PPFIBP1: variants seen among roughly 807,000 people sequenced by gnomAD.
PPFIBP1 encodes liprin-beta-1.
Under a neutral mutation model 137.8 loss-of-function variants are expected in PPFIBP1, and 112 were observed. The ratio of observed to expected loss-of-function variants is 0.81; its 90% CI spans 0.70 to 0.95. The LOEUF (loss-of-function observed/expected upper bound fraction) is 0.95, where lower values mean the gene tolerates loss of function less well. PPFIBP1 is among the 40% of genes least tolerant of loss of function. PPFIBP1 has a pLI of 0.00. For synonymous variants in PPFIBP1, 378 were observed against 417.3 expected (o/e 0.91, Z 1.15); for missense variants, 1,083 against 1,196.6 (o/e 0.91, Z 1.40).
In PPFIBP1 at chr12:27,667,150, T is replaced by G. The variant is rs1250210738; in HGVS notation, c.992-16T>G. On this transcript the variant is annotated splice_polypyrimidine_tract_variant and intron_variant, in intron 12 of 29. Transcript: ENST00000228425. ...AAAAGCTGCTGTTGTCTTCTCTTTG[T>G]TTTATCTTTTCCTAGGCAAAGATGG... 1 of 1,542,286 alleles carries G rather than the reference T, an allele frequency of 6.5e-7. No individual in the cohort carries two copies. Among genetic ancestry groups the G allele is most frequent in the East Asian group, 2.3e-5 (1 of 43,640 alleles).
intron 9 of PPFIBP1, 107 bp from the exon 10 acceptor site, chr12:27,658,709 G>C (rs1276044526): frequency 8.8e-6 from 11 of 1,250,068 alleles, no homozygotes; most frequent in Non-Finnish European, 1.1e-5. Flanking sequence ...TATGAGGTTA[G>C]ATTTCCGTTA....
intron 1 of PPFIBP1, among the ~76,000 whole-genome samples, chr12:27,550,270 G>A (rs1946629382): frequency 6.6e-6 from 1 of 152,168 alleles, no homozygotes; most frequent in Admixed American, 6.5e-5. Flanking sequence ...CCTCGTGAAG[G>A]GCTCTGGGTG....
chr12:27,534,024 G>A lies in PPFIBP1; in HGVS notation c.-124+9659G>A, dbSNP rs116581295. On this transcript the variant is annotated intron_variant, in intron 1 of 29. Coordinates refer to ENST00000228425, the MANE Select transcript of PPFIBP1 (RefSeq NM_003622.4). ...GAATGCAAAAAATTGAGGACTACAC[G>A]GGGGCTGATGAACTGCAGGTGGCCT... Among the ~76,000 whole-genome samples, 316 of 152,302 alleles carry A rather than the reference G, an allele frequency of 2.1e-3. 1 individual carries two copies. The highest frequency in any genetic ancestry group is 6.8e-3 in the African/African-American group (281 of 41,564).
chr12:27,670,532 T>C (rs759745083), intron 13 of PPFIBP1, among the ~76,000 whole-genome samples: 3 of 152,076 alleles, frequency 2.0e-5, no homozygotes, highest in Non-Finnish European at 2.9e-5. Context: ...GTAATCCCAC[T>C]TTGGGAGGCT....
At chr12:27,689,285 G>A in intron 27 of PPFIBP1, 82 bp downstream of exon 27, 1 of 1,380,788 alleles carries the variant, frequency 7.2e-7, no homozygotes. Flanking sequence ...CTGTTTTCTG[G>A]GGTTTACTAA....
intron 11 of PPFIBP1, among the ~76,000 whole-genome samples, chr12:27,662,225 G>A (rs1212874752): frequency 6.6e-6 from 1 of 152,212 alleles, no homozygotes; most frequent in Non-Finnish European, 1.5e-5. Context: ...ATCAAAACTT[G>A]TCTCGAGACC....
At chr12:27,581,363 G>A (rs2051098293) in intron 2 of PPFIBP1, among the ~76,000 whole-genome samples, 1 of 152,170 alleles carries the variant, frequency 6.6e-6, no homozygotes, top group Non-Finnish European at 1.5e-5. Context: ...AATGGGCCCA[G>A]GTACAAGAAT....
intron 2 of PPFIBP1, among the ~76,000 whole-genome samples, chr12:27,607,501 G>A (rs1421449204): frequency 6.6e-6 from 1 of 152,216 alleles, no homozygotes; most frequent in African/African-American, 2.4e-5. Context: ...AAACTTGAGT[G>A]CACATTAGAA....
At chr12:27,615,356 T>C (rs942909349) in intron 2 of PPFIBP1, among the ~76,000 whole-genome samples, 7 of 152,152 alleles carry the variant, frequency 4.6e-5, no homozygotes, top group Non-Finnish European at 8.8e-5. Context: ...AAAAAGACCA[T>C]AATCATGCAT....
At position 27,693,759 on chromosome 12, in the gene PPFIBP1, T is replaced by A. The variant is rs1324372492; in HGVS notation, c.*877T>A. On this transcript the variant is annotated 3_prime_UTR_variant, in exon 30 of 30. Transcript: ENST00000228425. ...GTGCCATGGCATGATCTTGGCTCAC[T>A]GCAACCTCCACCTCCTGGGTCAAGC... The A allele has an allele frequency of 6.6e-6, 1 of 152,174 alleles. No homozygotes were observed. The highest frequency in any genetic ancestry group is 1.5e-5 in the Non-Finnish European group (1 of 68,064). The allele number at this position is 152,174 out of a possible 1,614,324, so 9.4% of individuals were successfully genotyped here.
chr12:27,573,520 C>G (rs2050307714), intron 1 of PPFIBP1, among the ~76,000 whole-genome samples: 1 of 152,038 alleles, frequency 6.6e-6, no homozygotes, highest in Non-Finnish European at 1.5e-5. Flanking sequence ...ATATGATATA[C>G]TGAAGAAAAA....
chr12:27,652,375 G>T (rs1397899382), intron 7 of PPFIBP1, among the ~76,000 whole-genome samples: 1 of 152,182 alleles, frequency 6.6e-6, no homozygotes, highest in Non-Finnish European at 1.5e-5. Flanking sequence ...GAGCATACAT[G>T]TCAGAGACTG....
intron 6 of PPFIBP1, among the ~76,000 whole-genome samples, chr12:27,648,246 G>C (rs942133545): frequency 5.9e-5 from 9 of 152,054 alleles, no homozygotes; most frequent in Admixed American, 1.3e-4. Context: ...CATATGAAAA[G>C]GTGCTCAACA....
At position 27,633,392 on chromosome 12, in the gene PPFIBP1, A is replaced by G; in HGVS notation, c.-5A>G. The stretch of plus-strand genomic sequence containing the variant: ...GGTTGGAATTTGCCCCTGACAAATA[A>G]TAAAATGATGAGTGATGCAAGTGAC... On this transcript the variant is annotated 5_prime_UTR_variant, in exon 3 of 30. Transcript: ENST00000228425. 6.2e-7 allele frequency: 1 copy of G among 1,613,540 alleles called. No homozygotes were observed. Among genetic ancestry groups the G allele is most frequent in the Non-Finnish European group, 8.5e-7 (1 of 1,179,602 alleles).
chr12:27,691,257 T>A lies in PPFIBP1; in HGVS notation c.2686-492T>A, dbSNP rs141321069. On this transcript the variant is annotated intron_variant, in intron 27 of 29. Transcript: ENST00000228425. ...CAAAATTGGATTCAGCTGTGAGAAA[T>A]CTCATTGCATTAAGTCCTGTCTAAT... Among the ~76,000 whole-genome samples the A allele has an allele frequency of 3.7e-4, 56 of 151,816 alleles. 1 individual carries two copies. The East Asian group carries it at 0.01, about 27-fold the overall frequency.
At chr12:27,541,238 CGT>C (rs1437528574) in intron 1 of PPFIBP1, among the ~76,000 whole-genome samples, 6 of 149,922 alleles carry the variant, frequency 4.0e-5, no homozygotes, top group Non-Finnish European at 3.0e-5. Flanking sequence ...AAAACTTGCA[CGT>C]GTGTGTGTGT....
intron 2 of PPFIBP1, among the ~76,000 whole-genome samples, chr12:27,613,759 C>CAATAGT (rs1307368442): frequency 6.6e-6 from 1 of 151,618 alleles, no homozygotes; most frequent in East Asian, 1.9e-4. Flanking sequence ...TCAGGCCCAG[C>CAATAGT]AATAGTTCAG....
intron 2 of PPFIBP1, among the ~76,000 whole-genome samples, chr12:27,628,497 A>C (rs1565897782): frequency 6.6e-6 from 1 of 152,124 alleles, no homozygotes; most frequent in East Asian, 1.9e-4. Context: ...TGAAGTTGTA[A>C]TTTTCTAAGG....
intron 20 of PPFIBP1, 123 bp downstream of exon 20, chr12:27,679,762 G>A (rs1005412265): frequency 7.2e-7 from 1 of 1,397,104 alleles, no homozygotes; most frequent in African/African-American, 1.4e-5. Flanking sequence ...TTTGGATTGT[G>A]ATGTGGGATT....
Sources: gnomAD v4.1 joint callset for allele counts (sites outside exome capture counted in the v4.1 genomes callset) on GRCh38, gnomAD v4.1.1 for gene constraint, MANE v1.5 for transcripts, NCBI Gene and HGNC (gene_info 2026-07-23, HGNC 2026-07-21) for gene names.